Variants in VAMP5 observed in about 807,000 individuals in gnomAD.
VAMP5 encodes vesicle-associated membrane protein 5.
A neutral mutation model predicts 8.1 loss-of-function variants in VAMP5; 10 were observed. The observed-to-expected ratio is 1.23, with a 90% CI of 0.76 to 2.09. The LOEUF (loss-of-function observed/expected upper bound fraction) is 2.09. Ranked by LOEUF, VAMP5 falls within the 30% of genes most tolerant of loss-of-function variation. The pLI, the probability that VAMP5 is intolerant of heterozygous loss-of-function variation, is 0.00. For synonymous variants in VAMP5, 62 were observed against 60.6 expected, an observed-to-expected ratio of 1.02 and a Z score of -0.11; for missense variants, 135 against 152.5, an observed-to-expected ratio of 0.89 and a Z score of 0.60.
rs199670850 is a variant in VAMP5 at position 85,591,709 on chromosome 2, C to T, written c.4-16C>T. 119 of 1,613,958 alleles carry T rather than the reference C, an allele frequency of 7.4e-5. 1 individual carries two copies. Among genetic ancestry groups the T allele is most frequent in the South Asian group, 5.9e-4 (54 of 91,060 alleles). ...TGGGGGCCTCATGCAGCCCTGACCT[C>T]GGGCTTGGTGTCCAGGCAGGAATAG... On this transcript the variant is annotated splice_polypyrimidine_tract_variant and intron_variant, in intron 1 of 2. Transcript: ENST00000306384.
At position 85,591,447 on chromosome 2, in the gene VAMP5, A is replaced by T. The variant is rs1193062255; in HGVS notation, c.4-278A>T. The T allele has an allele frequency of 7.6e-6, 3 of 392,916 alleles. No homozygotes were observed. In the Admixed American group the frequency reaches 1.2e-4, roughly 16 times the overall value. The allele number at this position is 392,916 out of a possible 1,614,324, so 24.3% of individuals were successfully genotyped here. On this transcript the variant is annotated intron_variant, in intron 1 of 2. Transcript: ENST00000306384. Reference sequence around the variant, plus strand: ...GGTCCTGGGAAGATCCCACCTTGGGACAGCTTAGAGGAAGCTGAGGTGCTG... The same window carrying T: ...GGTCCTGGGAAGATCCCACCTTGGGTCAGCTTAGAGGAAGCTGAGGTGCTG...
chr2:85,584,480 C>T lies in VAMP5; in HGVS notation c.-11C>T, dbSNP rs1223095737. On this transcript the variant is annotated 5_prime_UTR_variant, in exon 1 of 3. Coordinates refer to ENST00000306384, the MANE Select transcript of VAMP5 (RefSeq NM_006634.3). Reference sequence around the variant, plus strand: ...AAGCCGGGAGCGGGCGAGGCGGCGGCGGCAGCAGCGATGGTGAGGGCCCAG... The same window carrying T: ...AAGCCGGGAGCGGGCGAGGCGGCGGTGGCAGCAGCGATGGTGAGGGCCCAG... The T allele has an allele frequency of 1.6e-6, 2 of 1,242,928 alleles. No homozygotes were observed. Among genetic ancestry groups the T allele is most frequent in the Non-Finnish European group, 1.0e-6 (1 of 994,838 alleles). 77.0% of individuals were successfully genotyped at this position (1,242,928 alleles called of 1,614,324 possible).
intron 1 of VAMP5, 199 bp from the exon 2 acceptor site, chr2:85,591,526 G>A (rs1267787129): frequency 1.4e-6 from 1 of 710,822 alleles, no homozygotes; most frequent in Non-Finnish European, 2.2e-6. Context: ...AAGGGGAGGA[G>A]CCTGTGAGAC....
chr2:85,592,532 G>A (rs1277947797), intron 2 of VAMP5, among the ~76,000 whole-genome samples: 1 of 152,148 alleles, frequency 6.6e-6, no homozygotes, highest in Non-Finnish European at 1.5e-5. Flanking sequence ...GCCGGGCGCG[G>A]TGTCTCACGC....
chr2:85,584,549 G>T, intron 1 of VAMP5, 56 bp downstream of exon 1: 1 of 1,233,440 alleles, frequency 8.1e-7, no homozygotes, highest in Non-Finnish European at 1.0e-6. Flanking sequence ...CGAGTGGCGA[G>T]GGTGGGAGAG....
chr2:85,588,653 A>G (rs1369946626), intron 1 of VAMP5, among the ~76,000 whole-genome samples: 1 of 152,120 alleles, frequency 6.6e-6, no homozygotes, highest in Non-Finnish European at 1.5e-5. Flanking sequence ...ATCCTGAAGC[A>G]CTTCTTCACT....
At position 85,589,975 on chromosome 2, in the gene VAMP5, A is replaced by C. The variant is rs532007111; in HGVS notation, c.4-1750A>C. Among the ~76,000 whole-genome samples, 133 of 152,186 alleles carry C rather than the reference A, an allele frequency of 8.7e-4. 1 individual carries two copies. The highest frequency in any genetic ancestry group is 3.1e-3 in the African/African-American group (127 of 41,538). The stretch of plus-strand genomic sequence containing the variant: ...GCCCAGCCTGCCTTGGAGTATTTGA[A>C]TGTGGGGAAGTTCAAAGGATTGAAT... On this transcript the variant is annotated intron_variant, in intron 1 of 2. Transcript: ENST00000306384.
intron 1 of VAMP5, 119 bp downstream of exon 1, chr2:85,584,612 A>C: frequency 8.5e-7 from 1 of 1,180,834 alleles, no homozygotes; most frequent in Non-Finnish European, 1.1e-6. Context: ...CGAGGGCCAG[A>C]CCTGAGGCGG....
At chr2:85,589,784 A>G (rs1672513564) in intron 1 of VAMP5, among the ~76,000 whole-genome samples, 1 of 151,892 alleles carries the variant, frequency 6.6e-6, no homozygotes, top group Admixed American at 6.6e-5. Flanking sequence ...CAGCCTCCCA[A>G]GTAGCTGGGA....
At chr2:85,592,096 G>A (rs960416093) in intron 2 of VAMP5, among the ~76,000 whole-genome samples, 2 of 152,114 alleles carry the variant, frequency 1.3e-5, no homozygotes, top group African/African-American at 4.8e-5. Context: ...AACTGGTATC[G>A]TTTTTTGTTT....
At chr2:85,592,830 CAAGAT>C (rs1219106427) in intron 2 of VAMP5, 113 bp from the exon 3 acceptor site, 6 of 809,796 alleles carry the variant, frequency 7.4e-6, no homozygotes, top group Non-Finnish European at 1.2e-5. Context: ...AGAAAGTAGA[CAAGAT>C]GGGGAGGATG....
At chr2:85,591,335 G>A (rs1672535022) in intron 1 of VAMP5, among the ~76,000 whole-genome samples, 1 of 152,228 alleles carries the variant, frequency 6.6e-6, no homozygotes, top group South Asian at 2.1e-4. Flanking sequence ...TCTTAGGCCA[G>A]TGGGAAACCT....
intron 1 of VAMP5, among the ~76,000 whole-genome samples, chr2:85,587,862 G>A (rs1005714875): frequency 6.6e-6 from 1 of 152,174 alleles, no homozygotes; most frequent in South Asian, 2.1e-4. Context: ...GCTGAGTGCC[G>A]ACTTAGGGAG....
chr2:85,586,932 G>A (rs1015853453), intron 1 of VAMP5, among the ~76,000 whole-genome samples: 2 of 151,966 alleles, frequency 1.3e-5, no homozygotes, highest in Non-Finnish European at 2.9e-5. Flanking sequence ...AAAATTAGCT[G>A]GGCGTGGTGG....
At chr2:85,584,546 C>A in intron 1 of VAMP5, 53 bp downstream of exon 1, 1 of 1,233,794 alleles carries the variant, frequency 8.1e-7, no homozygotes, top group South Asian at 4.0e-5. Flanking sequence ...GGGCGAGTGG[C>A]GAGGGTGGGA....
At chr2:85,589,816 C>A (rs972644341) in intron 1 of VAMP5, among the ~76,000 whole-genome samples, 4 of 152,138 alleles carry the variant, frequency 2.6e-5, no homozygotes, top group African/African-American at 9.6e-5. Context: ...CACCACCATG[C>A]CTGGCTAATT....
intron 2 of VAMP5, 114 bp downstream of exon 2, chr2:85,591,976 T>G (rs1401462355): frequency 6.8e-7 from 1 of 1,480,184 alleles, no homozygotes; most frequent in African/African-American, 1.4e-5. Context: ...TGAGGGCCAG[T>G]GTGGGGCCTC....
chr2:85,591,599 A>G, intron 1 of VAMP5, 126 bp from the exon 2 acceptor site: 1 of 1,418,096 alleles, frequency 7.1e-7, no homozygotes, highest in Admixed American at 2.1e-5. Flanking sequence ...ATACCCTTAC[A>G]CGAAGGATGC....
chr2:85,591,710 G>A lies in VAMP5; in HGVS notation c.4-15G>A, dbSNP rs1558825276. 18 of 1,613,908 alleles carry A rather than the reference G, an allele frequency of 1.1e-5. No individual in the cohort carries two copies. The highest frequency in any genetic ancestry group is 1.6e-4 in the Middle Eastern group (1 of 6,084). The stretch of plus-strand genomic sequence containing the variant: ...GGGGGCCTCATGCAGCCCTGACCTC[G>A]GGCTTGGTGTCCAGGCAGGAATAGA... On this transcript the variant is annotated splice_polypyrimidine_tract_variant and intron_variant, in intron 1 of 2. Coordinates refer to ENST00000306384, the MANE Select transcript of VAMP5 (RefSeq NM_006634.3).
Sources: gnomAD v4.1 joint callset for allele counts (sites outside exome capture counted in the v4.1 genomes callset) on GRCh38, gnomAD v4.1.1 for gene constraint, MANE v1.5 for transcripts, NCBI Gene and HGNC (gene_info 2026-07-23, HGNC 2026-07-21) for gene names.